Variants in IQCM observed in about 807,000 individuals in gnomAD.
IQCM encodes IQ domain-containing protein M.
IQCM carries 45 observed loss-of-function variants against 57.6 expected under a neutral mutation model. The ratio of observed to expected loss-of-function variants is 0.78; its 90% CI spans 0.62 to 1.00. IQCM has a LOEUF of 1.00. Ranked by LOEUF, IQCM falls within the 50% of genes least tolerant of loss-of-function variation. The probability of loss-of-function intolerance (pLI) is 0.00; values close to 1 mark genes in which losing one functional copy is unlikely to be tolerated. For synonymous variants in IQCM, 148 were observed against 158.9 expected, an observed-to-expected ratio of 0.93 and a Z score of 0.51; for missense variants, 468 against 511.6, an observed-to-expected ratio of 0.91 and a Z score of 0.82.
chr4:149,514,167 C>T (rs1744707537), intron 12 of IQCM, among the ~76,000 whole-genome samples: 1 of 152,026 alleles, frequency 6.6e-6, no homozygotes, highest in Non-Finnish European at 1.5e-5. Context: ...AATACAGATT[C>T]CTAGTACTTG....
At chr4:149,604,138 A>G (rs1754569179) in intron 8 of IQCM, among the ~76,000 whole-genome samples, 1 of 152,216 alleles carries the variant, frequency 6.6e-6, no homozygotes, top group South Asian at 2.1e-4. Context: ...AGGCCTATAT[A>G]GTGGCCTCTA....
At chr4:149,492,501 C>A (rs1742201567) in intron 12 of IQCM, among the ~76,000 whole-genome samples, 1 of 152,078 alleles carries the variant, frequency 6.6e-6, no homozygotes. Flanking sequence ...CTCTTATATT[C>A]TCTGCTTCAG....
chr4:149,368,340 G>T (rs574272702), intron 13 of IQCM, among the ~76,000 whole-genome samples: 45 of 151,948 alleles, frequency 3.0e-4, no homozygotes, highest in African/African-American at 9.6e-4. Context: ...TATGAGAATA[G>T]AATTATTAAT....
chr4:149,800,056 C>T (rs1773470550), intron 2 of IQCM, among the ~76,000 whole-genome samples: 1 of 151,672 alleles, frequency 6.6e-6, no homozygotes, highest in South Asian at 2.1e-4. Context: ...AGGAAAACTA[C>T]AGGCAAATAT....
Position 149,733,194 on chromosome 4 carries a change from T to C in IQCM, c.385+50A>G, listed in dbSNP as rs1337784301. 15 of 1,218,832 alleles carry C rather than the reference T, an allele frequency of 1.2e-5. No homozygotes were observed. The East Asian group carries it at 4.4e-4, about 36-fold the overall frequency. 75.5% of individuals were successfully genotyped at this position (1,218,832 alleles called of 1,614,324 possible). Reference sequence around the variant, plus strand: ...CCATTACAGGCACATAAGAAACAAATAGTTTTGTCCGTGAGTTTGCTGAAT... The same window carrying C: ...CCATTACAGGCACATAAGAAACAAACAGTTTTGTCCGTGAGTTTGCTGAAT... On this transcript the variant is annotated intron_variant, in intron 5 of 13. Transcript: ENST00000636793.
At chr4:149,472,007 C>G (rs1055193155) in intron 12 of IQCM, among the ~76,000 whole-genome samples, 1 of 152,148 alleles carries the variant, frequency 6.6e-6, no homozygotes, top group African/African-American at 2.4e-5. Context: ...AACCCACAGC[C>G]AATATCATAC....
At chr4:149,530,717 A>G (rs1050070391) in intron 12 of IQCM, among the ~76,000 whole-genome samples, 14 of 151,962 alleles carry the variant, frequency 9.2e-5, no homozygotes, top group African/African-American at 3.4e-4. Context: ...AACAAAGAAA[A>G]GGCTAACACC....
chr4:149,442,953 C>CAGAGAG lies in IQCM; in HGVS notation c.1229-9402_1229-9397dup, dbSNP rs56890715. Among the ~76,000 whole-genome samples the CAGAGAG allele has an allele frequency of 3.7e-4, 36 of 98,066 alleles. 1 individual carries two copies. The East Asian group carries it at 4.6e-3, about 13-fold the overall frequency. The allele number at this position is 98,066 out of a possible 152,430, so 64.3% of individuals were successfully genotyped here. A position where few individuals can be genotyped will look rare whatever the true frequency, so the allele number is the denominator to read the frequency against. Reference sequence around the variant, plus strand: ...ACACACACACACACACACACACACACAGAGAGAGAGAGAGAGAGAGAGAGA... The same window carrying CAGAGAG: ...ACACACACACACACACACACACACACAGAGAGAGAGAGAGAGAGAGAGAGAGAGAGA... On this transcript the variant is annotated intron_variant, in intron 12 of 13. Coordinates refer to ENST00000636793, the MANE Select transcript of IQCM (RefSeq NM_001363507.2).
At chr4:149,371,539 G>C (rs1445632743) in intron 13 of IQCM, among the ~76,000 whole-genome samples, 2 of 152,122 alleles carry the variant, frequency 1.3e-5, no homozygotes, top group African/African-American at 4.8e-5. Context: ...ATGCCAGAAG[G>C]CTGATGGAAT....
chr4:149,591,818 T>C (rs530674053), intron 8 of IQCM, among the ~76,000 whole-genome samples: 8 of 152,330 alleles, frequency 5.3e-5, no homozygotes, highest in African/African-American at 1.4e-4. Flanking sequence ...TTCCATGGTG[T>C]ATATGTGCCA....
At chr4:149,529,465 T>G (rs1746514380) in intron 12 of IQCM, among the ~76,000 whole-genome samples, 1 of 152,204 alleles carries the variant, frequency 6.6e-6, no homozygotes. Flanking sequence ...ATTTTTCTCA[T>G]AAAACCATAA....
intron 13 of IQCM, among the ~76,000 whole-genome samples, chr4:149,423,603 C>T (rs1316570241): frequency 6.6e-6 from 1 of 152,024 alleles, no homozygotes; most frequent in Non-Finnish European, 1.5e-5. Flanking sequence ...TTCCTCTCAA[C>T]ATTGCTTAGC....
At chr4:149,562,290 T>C (rs1221328969) in intron 10 of IQCM, among the ~76,000 whole-genome samples, 1 of 152,158 alleles carries the variant, frequency 6.6e-6, no homozygotes, top group Non-Finnish European at 1.5e-5. Context: ...CAATTCTCCA[T>C]GTAAGGGTAG....
At chr4:149,699,695 CAAAAAAAAAAAA>C (rs34250922) in intron 5 of IQCM, among the ~76,000 whole-genome samples, 10 of 25,936 alleles carry the variant, frequency 3.9e-4, no homozygotes, top group Non-Finnish European at 6.9e-4. Context: ...GTTTGAGTGG[CAAAAAAAAAAAA>C]AAAAAAAAAA....
chr4:149,636,272 G>T (rs1043813311), intron 7 of IQCM, among the ~76,000 whole-genome samples: 2 of 152,158 alleles, frequency 1.3e-5, no homozygotes, highest in African/African-American at 4.8e-5. Flanking sequence ...CAGGCAAGAA[G>T]AAAACAGATA....
At chr4:149,629,861 T>A (rs1757108345) in intron 7 of IQCM, among the ~76,000 whole-genome samples, 1 of 152,128 alleles carries the variant, frequency 6.6e-6, no homozygotes, top group South Asian at 2.1e-4. Flanking sequence ...AAAGAGAACA[T>A]TTTGTATTTG....
intron 13 of IQCM, among the ~76,000 whole-genome samples, chr4:149,360,178 A>G (rs958860153): frequency 6.6e-6 from 1 of 152,216 alleles, no homozygotes. Context: ...AAGTATAGTC[A>G]GCCTTCTGTA....
intron 12 of IQCM, among the ~76,000 whole-genome samples, chr4:149,545,656 C>T (rs1451210569): frequency 2.0e-5 from 3 of 152,086 alleles, no homozygotes; most frequent in Non-Finnish European, 2.9e-5. Context: ...AAAAATAGAA[C>T]TACCATAAGA....
At chr4:149,606,699 A>G (rs1175598010) in intron 8 of IQCM, among the ~76,000 whole-genome samples, 1 of 152,148 alleles carries the variant, frequency 6.6e-6, no homozygotes, top group Non-Finnish European at 1.5e-5. Context: ...TATCAAATAA[A>G]TTTAACAAAG....
Sources: allele counts gnomAD v4.1 joint callset (sites outside exome capture counted in the v4.1 genomes callset), GRCh38; gene constraint gnomAD v4.1.1; transcripts MANE v1.5; gene names NCBI Gene and HGNC (gene_info 2026-07-23, HGNC 2026-07-21).